The following MAGI2 variants were observed in gnomAD, a reference collection of about 807,000 sequenced individuals.
The protein encoded by MAGI2 is membrane associated guanylate kinase, WW and PDZ domain containing 2.
Under a neutral mutation model 133.3 loss-of-function variants are expected in MAGI2, and 35 were observed. That is an observed-to-expected ratio of 0.26 (90% CI 0.20 to 0.35). The LOEUF (loss-of-function observed/expected upper bound fraction) is 0.35. MAGI2 is among the 10% of genes least tolerant of loss of function. MAGI2 has a pLI of 1.00. For missense variants in MAGI2, 1,636 were observed against 1,863.4 expected, an observed-to-expected ratio of 0.88 and a Z score of 2.25; for synonymous variants, 729 against 710.6, an observed-to-expected ratio of 1.03 and a Z score of -0.41.
chr7:79,199,654 A>G (rs1024798796), intron 1 of MAGI2, among the ~76,000 whole-genome samples: 3 of 152,088 alleles, frequency 2.0e-5, no homozygotes, highest in Non-Finnish European at 2.9e-5. Context: ...ATTTTATTTA[A>G]TATAGGATAT....
intron 2 of MAGI2, among the ~76,000 whole-genome samples, chr7:78,853,918 T>G (rs1260887075): frequency 6.6e-6 from 1 of 151,652 alleles, no homozygotes; most frequent in Non-Finnish European, 1.5e-5. Context: ...AGTGTCCTGA[T>G]AAGGGGACAG....
At chr7:78,496,831 C>G (rs1373382821) in intron 5 of MAGI2, among the ~76,000 whole-genome samples, 1 of 152,134 alleles carries the variant, frequency 6.6e-6, no homozygotes, top group Non-Finnish European at 1.5e-5. Flanking sequence ...AAGTCTGAAT[C>G]TTGTCAGTTT....
chr7:79,071,090 C>T (rs2117156494), intron 1 of MAGI2, among the ~76,000 whole-genome samples: 1 of 152,278 alleles, frequency 6.6e-6, no homozygotes, highest in East Asian at 1.9e-4. Flanking sequence ...ATTTATCTAC[C>T]TTTGGTCTTT....
chr7:78,924,008 T>C (rs1252110107), intron 2 of MAGI2, among the ~76,000 whole-genome samples: 2 of 152,144 alleles, frequency 1.3e-5, no homozygotes, highest in Non-Finnish European at 2.9e-5. Flanking sequence ...CTGTTATTGG[T>C]GTATAAGAAT....
At chr7:78,446,079 G>C (rs542823262) in intron 6 of MAGI2, among the ~76,000 whole-genome samples, 1 of 112,538 alleles carries the variant, frequency 8.9e-6, no homozygotes, top group East Asian at 2.9e-4. Flanking sequence ...AAATCTAGTA[G>C]GTACTTTTTA....
intron 20 of MAGI2, among the ~76,000 whole-genome samples, chr7:78,094,800 AT>A (rs1353742460): frequency 3.3e-5 from 5 of 152,274 alleles, no homozygotes; most frequent in Admixed American, 3.3e-4. Flanking sequence ...TTTTTTCAAC[AT>A]TTTAATCTAT....
intron 2 of MAGI2, among the ~76,000 whole-genome samples, chr7:78,877,480 A>G (rs979902508): frequency 2.6e-5 from 4 of 152,180 alleles, no homozygotes; most frequent in Admixed American, 6.5e-5. Flanking sequence ...TAAAAATGTT[A>G]CTTGTTTTTC....
chr7:79,383,195 T>TCTGG (rs2129144296), intron 1 of MAGI2, among the ~76,000 whole-genome samples: 1 of 151,776 alleles, frequency 6.6e-6, no homozygotes, highest in Admixed American at 6.6e-5. Flanking sequence ...TTTTTATCAT[T>TCTGG]CTGGCCTATA....
chr7:78,569,584 A>G (rs1801298644), intron 3 of MAGI2, among the ~76,000 whole-genome samples: 1 of 152,222 alleles, frequency 6.6e-6, no homozygotes, highest in African/African-American at 2.4e-5. Context: ...GCAAAAAGGA[A>G]AGAAAAAAAA....
At chr7:79,414,850 T>A (rs1330589385) in intron 1 of MAGI2, 1 of 152,124 alleles carries the variant, frequency 6.6e-6, no homozygotes, top group African/African-American at 2.4e-5. Flanking sequence ...CCATCCTGCT[T>A]ACTTCTGTAA....
intron 2 of MAGI2, among the ~76,000 whole-genome samples, chr7:78,682,330 C>T (rs551489876): frequency 2.6e-5 from 4 of 152,118 alleles, no homozygotes; most frequent in Admixed American, 6.5e-5. Context: ...CCAATCGACC[C>T]GTCATCTACA....
chr7:79,449,141 C>G (rs573486508), intron 1 of MAGI2, among the ~76,000 whole-genome samples: 101 of 151,962 alleles, frequency 6.6e-4, no homozygotes, highest in Non-Finnish European at 1.2e-3. Context: ...TTGTTTTTAC[C>G]TTTTCAGATA....
chr7:78,036,450 C>T (rs139099417), intron 21 of MAGI2, among the ~76,000 whole-genome samples: 98 of 152,174 alleles, frequency 6.4e-4, no homozygotes, highest in Admixed American at 1.7e-3. Context: ...ATTCACTAGG[C>T]GCTTTCTCTT....
intron 6 of MAGI2, among the ~76,000 whole-genome samples, chr7:78,440,867 T>A (rs1306307520): frequency 6.6e-6 from 1 of 152,034 alleles, no homozygotes; most frequent in Non-Finnish European, 1.5e-5. Flanking sequence ...GTGGGAGAAT[T>A]GCTTGAATCT....
intron 7 of MAGI2, chr7:78,352,027 A>G (rs1289250122): frequency 6.6e-6 from 1 of 152,246 alleles, no homozygotes; most frequent in Non-Finnish European, 1.5e-5. Context: ...AAAGTCAGAT[A>G]AAAATAATAT....
chr7:78,492,874 C>G (rs1483352614), intron 5 of MAGI2, among the ~76,000 whole-genome samples: 2 of 152,162 alleles, frequency 1.3e-5, no homozygotes, highest in Non-Finnish European at 2.9e-5. Context: ...CTTATTCCAG[C>G]TGGACAATGC....
chr7:79,289,567 C>G (rs1836297288), intron 1 of MAGI2, among the ~76,000 whole-genome samples: 1 of 151,874 alleles, frequency 6.6e-6, no homozygotes, highest in Non-Finnish European at 1.5e-5. Flanking sequence ...AACAGTCATC[C>G]CTGAATATAG....
intron 1 of MAGI2, among the ~76,000 whole-genome samples, chr7:79,435,966 C>G (rs1008672430): frequency 6.6e-6 from 1 of 152,064 alleles, no homozygotes; most frequent in African/African-American, 2.4e-5. Context: ...AATAAAGCTT[C>G]ACACCTATAC....
intron 2 of MAGI2, among the ~76,000 whole-genome samples, chr7:78,889,468 C>T (rs1255633398): frequency 2.0e-5 from 3 of 152,196 alleles, no homozygotes; most frequent in Non-Finnish European, 4.4e-5. Context: ...ATGTTAAGGG[C>T]AGCCAGAGAG....
Sources: allele counts gnomAD v4.1 joint callset (sites outside exome capture counted in the v4.1 genomes callset), GRCh38; gene constraint gnomAD v4.1.1; transcripts MANE v1.5; gene names NCBI Gene and HGNC (gene_info 2026-07-23, HGNC 2026-07-21).